DFFB: variants seen among roughly 807,000 people sequenced by gnomAD.
The protein encoded by DFFB is DNA fragmentation factor subunit beta.
A neutral mutation model predicts 32.7 loss-of-function variants in DFFB; 29 were observed. The ratio of observed to expected loss-of-function variants is 0.89; its 90% CI spans 0.66 to 1.21. DFFB has a LOEUF of 1.21. Ranked by LOEUF, DFFB falls within the 50% of genes most tolerant of loss-of-function variation. The probability of loss-of-function intolerance (pLI) is 0.00; values close to 1 mark genes in which losing one functional copy is unlikely to be tolerated. For synonymous variants in DFFB, 170 were observed against 177.1 expected, an observed-to-expected ratio of 0.96 and a Z score of 0.32; for missense variants, 398 against 440.6, an observed-to-expected ratio of 0.90 and a Z score of 0.87.
At chr1:3,869,152 C>T (rs1452413681) in intron 4 of DFFB, among the ~76,000 whole-genome samples, 2 of 152,222 alleles carry the variant, frequency 1.3e-5, no homozygotes, top group Non-Finnish European at 2.9e-5. Context: ...CTCTGCCTTC[C>T]AGGTTCAAGT....
chr1:3,883,942 T>G lies in DFFB; in HGVS notation c.*201T>G, dbSNP rs1271037622. 1.7e-6 allele frequency: 1 copy of G among 584,438 alleles called. No homozygotes were observed. Among genetic ancestry groups the G allele is most frequent in the East Asian group, 2.9e-5 (1 of 34,802 alleles). 36.2% of individuals were successfully genotyped at this position (584,438 alleles called of 1,614,324 possible). The stretch of plus-strand genomic sequence containing the variant: ...TTTTTTTTGTTGTTTTGTTTTGTTT[T>G]GTAGATGGAGTTTCACTTTTGTTGC... On this transcript the variant is annotated 3_prime_UTR_variant, in exon 7 of 7. Transcript: ENST00000378209.
intron 5 of DFFB, among the ~76,000 whole-genome samples, 173 bp from the exon 6 acceptor site, chr1:3,872,299 G>A (rs1557720506): frequency 6.6e-6 from 1 of 152,086 alleles, no homozygotes; most frequent in Non-Finnish European, 1.5e-5. Context: ...TGTAGTCCCA[G>A]CTACTCGGGA....
Position 3,872,412 on chromosome 1 carries a change from AAG to A in DFFB, c.682-58_682-57del, listed in dbSNP as rs878860800. 2.1e-3 allele frequency: 2,746 copies of A among 1,315,006 alleles called. 7 individuals are homozygous for A. The highest frequency in any genetic ancestry group is 0.014 in the East Asian group (516 of 37,342). 81.5% of individuals were successfully genotyped at this position (1,315,006 alleles called of 1,614,324 possible). ...TGGCGACAGAGCGAGGCGCTGTCTC[AAG>A]AAAAAAAAAAAAAGAGACTCACTTT... On this transcript the variant is annotated intron_variant, in intron 5 of 6. Coordinates refer to ENST00000378209, the MANE Select transcript of DFFB (RefSeq NM_004402.4).
intron 1 of DFFB, among the ~76,000 whole-genome samples, chr1:3,858,472 G>T (rs188851081): frequency 1.3e-5 from 2 of 152,358 alleles, no homozygotes; most frequent in Admixed American, 1.3e-4. Context: ...GAATCCTGCA[G>T]AGCCAGCAGT....
In DFFB at chr1:3,869,696, A is replaced by G. The variant is rs753253553; in HGVS notation, c.602A>G (p.Gln201Arg). 8 of 1,613,234 alleles carry G rather than the reference A, an allele frequency of 5.0e-6. No homozygotes were observed. The Admixed American group carries it at 1.0e-4, about 20-fold the overall frequency. ...GSMCQRLRSM[Q>R]YNGSYFDRGA... is the part of the protein sequence containing the mutation. Reference sequence around the variant, plus strand: ...ATGTGCCAGAGGCTCCGGTCCATGCAGTACAATGGCAGCTACTTCGACAGA... The same window carrying G: ...ATGTGCCAGAGGCTCCGGTCCATGCGGTACAATGGCAGCTACTTCGACAGA... Residue 201 changes from glutamine (Q) to arginine (R), a missense_variant, in exon 5 of 7, where the codon CAG (glutamine) becomes CGG (arginine). Transcript: ENST00000378209.
intron 2 of DFFB, among the ~76,000 whole-genome samples, chr1:3,864,532 C>A (rs10797348): frequency 0.65 from 97,951 of 151,824 alleles, 31,902 homozygotes; most frequent in Middle Eastern, 0.72. Flanking sequence ...ATCTGAATAT[C>A]TTTTATAAAA....
chr1:3,868,871 T>C lies in DFFB; in HGVS notation c.511-734T>C, dbSNP rs114490541. Among the ~76,000 whole-genome samples the C allele has an allele frequency of 7.7e-3, 1,174 of 152,368 alleles. 19 individuals are homozygous for C. Among genetic ancestry groups the C allele is most frequent in the African/African-American group, 0.027 (1,124 of 41,588 alleles). On this transcript the variant is annotated intron_variant, in intron 4 of 6. Coordinates refer to ENST00000378209, the MANE Select transcript of DFFB (RefSeq NM_004402.4). ...TGTGGCACAATTGCTAATGCTGCAC[T>C]GCACCCCGTTTTTCTGCATCTCTTC...
At chr1:3,866,294 A>T (rs1313973500) in intron 3 of DFFB, 1 of 478,520 alleles carries the variant, frequency 2.1e-6, no homozygotes, top group African/African-American at 2.0e-5. Context: ...GCTGGAGTGC[A>T]GTGGCGTGAT....
intron 6 of DFFB, among the ~76,000 whole-genome samples, chr1:3,876,920 C>T (rs1349819235): frequency 1.3e-5 from 2 of 152,222 alleles, no homozygotes; most frequent in Non-Finnish European, 2.9e-5. Flanking sequence ...TTCAGGGGCC[C>T]CTGGGCGGAA....
intron 5 of DFFB, among the ~76,000 whole-genome samples, chr1:3,871,029 G>T (rs1446221100): frequency 1.3e-5 from 2 of 152,226 alleles, no homozygotes; most frequent in African/African-American, 4.8e-5. Context: ...CTCTGCATTG[G>T]GATCACAGGG....
At chr1:3,866,319 A>ACCTCTGCCTCCCTGCAC (rs1553168747) in intron 3 of DFFB, 1 of 433,092 alleles carries the variant, frequency 2.3e-6, no homozygotes, top group Non-Finnish European at 4.5e-6. Context: ...GCTCACCGCA[A>ACCTCTGCCTCCCTGCAC]CCTCTGCCTC....
chr1:3,860,602 C>T (rs1644862442), intron 2 of DFFB: 1 of 249,478 alleles, frequency 4.0e-6, no homozygotes, highest in African/African-American at 2.3e-5. Flanking sequence ...GTACCTCTAC[C>T]CTTTCCCTCA....
chr1:3,872,648 T>G, intron 6 of DFFB, 76 bp downstream of exon 6: 1 of 424,962 alleles, frequency 2.4e-6, no homozygotes, highest in Non-Finnish European at 3.8e-6. Context: ...GTCCCTGCCA[T>G]GGCCCTGTCC....
chr1:3,868,081 T>TGGGC, intron 4 of DFFB, 28 bp downstream of exon 4: 1 of 1,611,094 alleles, frequency 6.2e-7, no homozygotes, highest in Non-Finnish European at 8.5e-7. Flanking sequence ...CCGGGTATGC[T>TGGGC]GGGCGGGTTT....
intron 5 of DFFB, among the ~76,000 whole-genome samples, chr1:3,870,544 G>A (rs887309629): frequency 1.3e-5 from 2 of 152,246 alleles, no homozygotes; most frequent in Non-Finnish European, 2.9e-5. Flanking sequence ...CACTCAGTGA[G>A]TACTTACTTT....
chr1:3,863,132 C>T (rs184708085), intron 2 of DFFB, among the ~76,000 whole-genome samples: 1 of 152,294 alleles, frequency 6.6e-6, no homozygotes, highest in Non-Finnish European at 1.5e-5. Context: ...AGTTGCCAAT[C>T]ATGTATCTAA....
intron 6 of DFFB, among the ~76,000 whole-genome samples, chr1:3,876,444 C>T (rs1645223306): frequency 6.6e-6 from 1 of 152,222 alleles, no homozygotes; most frequent in South Asian, 2.1e-4. Context: ...AATATGTATA[C>T]TCACACACAG....
rs780602443 is a variant in DFFB at position 3,865,774 on chromosome 1, G to A, written c.242-38G>A. On this transcript the variant is annotated intron_variant, in intron 2 of 6. Transcript: ENST00000378209. The surrounding 1 kb of genome is among the most constrained non-coding windows in gnomAD (Gnocchi z 4.7). ...GTGACCGGGGCAGGATGTGTCTTCT[G>A]CTGGACCGGCACCTTTTGTTTGTCC... 2 of 1,614,108 alleles carry A rather than the reference G, an allele frequency of 1.2e-6. No homozygotes were observed. Among genetic ancestry groups the A allele is most frequent in the Non-Finnish European group, 1.7e-6 (2 of 1,180,026 alleles).
At chr1:3,876,029 T>C (rs112003108) in intron 6 of DFFB, among the ~76,000 whole-genome samples, 4,238 of 152,296 alleles carry the variant, frequency 0.028, 172 homozygotes, top group African/African-American at 0.097. Flanking sequence ...CTGCCCACCT[T>C]GGCTTTCCAA....
Sources: gnomAD v4.1 joint callset for allele counts (sites outside exome capture counted in the v4.1 genomes callset) on GRCh38, gnomAD v4.1.1 for gene constraint, Gnocchi (gnomAD v3.1) non-coding constraint, MANE v1.5 for transcripts, NCBI Gene and HGNC (gene_info 2026-07-23, HGNC 2026-07-21) for gene names.